Variants in ABCA8 observed in about 807,000 individuals in gnomAD.
ABCA8 encodes ABC-type organic anion transporter ABCA8.
A neutral mutation model predicts 192.3 loss-of-function variants in ABCA8; 177 were observed. The ratio of observed to expected loss-of-function variants is 0.92; its 90% confidence interval spans 0.81 to 1.04. The LOEUF (loss-of-function observed/expected upper bound fraction) is 1.04. Among genes scored for constraint, ABCA8 ranks in the 50% least tolerant of loss-of-function variants. The probability of loss-of-function intolerance (pLI) is 0.00; values close to 1 mark genes in which losing one functional copy is unlikely to be tolerated. For synonymous variants in ABCA8, 642 were observed against 690.2 expected, an observed-to-expected ratio of 0.93 and a Z score of 1.09; for missense variants, 1,915 against 1,904.8, an observed-to-expected ratio of 1.01 and a Z score of -0.10.
chr17:68,877,152 A>AC (rs1360211569), intron 33 of ABCA8: 13 of 171,716 alleles, frequency 7.6e-5, no homozygotes, highest in Non-Finnish European at 1.2e-4. Flanking sequence ...ACAGGTGCGC[A>AC]CCACCATGCC....
chr17:68,916,210 A>T (rs937392391), intron 17 of ABCA8, among the ~76,000 whole-genome samples: 1 of 152,086 alleles, frequency 6.6e-6, no homozygotes, highest in Non-Finnish European at 1.5e-5. Flanking sequence ...TTGATAGCAC[A>T]TTCTTCACAG....
At chr17:68,891,176 C>T (rs2066613989) in intron 24 of ABCA8, among the ~76,000 whole-genome samples, 1 of 152,088 alleles carries the variant, frequency 6.6e-6, no homozygotes, top group Admixed American at 6.6e-5. Flanking sequence ...TAATACAACA[C>T]ATTCTTAATT....
chr17:68,906,185 G>C (rs774514953), intron 18 of ABCA8, 22 bp from the exon 19 acceptor site: 1 of 1,461,810 alleles, frequency 6.8e-7, no homozygotes, highest in Non-Finnish European at 9.1e-7. Flanking sequence ...ATATACAGCA[G>C]TGAATTAAAA....
chr17:68,909,375 C>T (rs558365980), intron 17 of ABCA8, among the ~76,000 whole-genome samples: 2 of 152,276 alleles, frequency 1.3e-5, no homozygotes, highest in Admixed American at 6.5e-5. Context: ...TCCAACCAAA[C>T]TGTATTTACA....
At position 68,869,751 on chromosome 17, in the gene ABCA8, G is replaced by C. The variant is rs1320404354; in HGVS notation, c.4660C>G (p.Pro1554Ala). The stretch of plus-strand genomic sequence containing the variant: ...GCTAAAGGTTGCACATCTTCCACTG[G>C]CAACTTATAAACCATCAGAGAGGAG... Reference protein sequence around the residue: ...RYSSLMVYKLPVEDVQPLAQA... With the variant: ...RYSSLMVYKLAVEDVQPLAQA... Residue 1554 changes from proline to alanine, a missense_variant, in exon 38 of 40, where the codon CCA (proline) becomes GCA (alanine). Pro to Ala is a conservative substitution (Grantham distance 27). Coordinates refer to ENST00000586539, the MANE Select transcript of ABCA8 (RefSeq NM_001288985.2). 1.2e-6 allele frequency: 2 copies of C among 1,612,952 alleles called. No homozygotes were observed. Among genetic ancestry groups the C allele is most frequent in the African/African-American group, 1.3e-5 (1 of 74,978 alleles).
At chr17:68,941,894 A>G in intron 3 of ABCA8, 45 bp downstream of exon 3, 4 of 1,405,482 alleles carry the variant, frequency 2.8e-6, no homozygotes, top group Non-Finnish European at 4.0e-6. Flanking sequence ...GGCAACACGT[A>G]TTTTCCTATC....
chr17:68,917,724 A>G (rs113496142), intron 16 of ABCA8, among the ~76,000 whole-genome samples: 3 of 152,362 alleles, frequency 2.0e-5, no homozygotes, highest in African/African-American at 7.2e-5. Context: ...ATGAAACATT[A>G]AAATCATTTG....
intron 4 of ABCA8, among the ~76,000 whole-genome samples, chr17:68,937,995 G>A (rs1010027495): frequency 1.3e-5 from 2 of 152,108 alleles, no homozygotes; most frequent in African/African-American, 4.8e-5. Context: ...AATTGCATGT[G>A]GTTTTGAATG....
At chr17:68,872,619 A>C (rs1158957260) in intron 37 of ABCA8, among the ~76,000 whole-genome samples, 1 of 151,854 alleles carries the variant, frequency 6.6e-6, no homozygotes, top group Non-Finnish European at 1.5e-5. Context: ...AATAAAAAAA[A>C]AGAAGAAGGC....
chr17:68,928,166 T>C, intron 9 of ABCA8, 103 bp from the exon 10 acceptor site: 1 of 959,586 alleles, frequency 1.0e-6, no homozygotes, highest in Non-Finnish European at 1.5e-6. Context: ...TGCCTCATAC[T>C]GAGAATAGAG....
At chr17:68,913,933 C>A (rs554343411) in intron 17 of ABCA8, among the ~76,000 whole-genome samples, 7 of 151,982 alleles carry the variant, frequency 4.6e-5, no homozygotes, top group Non-Finnish European at 1.0e-4. Context: ...CCGAATTCAA[C>A]AACACATTAA....
At chr17:68,935,722 G>A (rs2068048840) in intron 5 of ABCA8, among the ~76,000 whole-genome samples, 1 of 151,634 alleles carries the variant, frequency 6.6e-6, no homozygotes, top group African/African-American at 2.4e-5. Flanking sequence ...TAGTGAAGTT[G>A]CTGGATCAAA....
At chr17:68,909,006 A>T (rs1334753175) in intron 17 of ABCA8, among the ~76,000 whole-genome samples, 3 of 152,210 alleles carry the variant, frequency 2.0e-5, no homozygotes, top group Non-Finnish European at 4.4e-5. Flanking sequence ...ACTTAAAAGA[A>T]TATATGCTAT....
intron 10 of ABCA8, among the ~76,000 whole-genome samples, chr17:68,926,770 A>C (rs1258838304): frequency 2.0e-5 from 3 of 152,192 alleles, no homozygotes; most frequent in African/African-American, 7.2e-5. Flanking sequence ...AAAACAACAA[A>C]AACAAAAACA....
At chr17:68,877,466 A>AGG in intron 33 of ABCA8, 53 bp downstream of exon 33, 1 of 1,501,034 alleles carries the variant, frequency 6.7e-7, no homozygotes, top group East Asian at 2.4e-5. Context: ...CATCACTCTC[A>AGG]ACCTCCTCCA....
chr17:68,872,269 A>T (rs1038277598), intron 37 of ABCA8, among the ~76,000 whole-genome samples: 11 of 152,156 alleles, frequency 7.2e-5, no homozygotes, highest in African/African-American at 2.7e-4. Flanking sequence ...TGATGAATTC[A>T]TGTCTTTTGT....
chr17:68,883,578 C>G (rs2066387285), intron 29 of ABCA8, among the ~76,000 whole-genome samples: 1 of 152,140 alleles, frequency 6.6e-6, no homozygotes, highest in Non-Finnish European at 1.5e-5. Flanking sequence ...CAGATAGAGC[C>G]TTAATACTCC....
intron 5 of ABCA8, among the ~76,000 whole-genome samples, chr17:68,933,848 A>G (rs2067979843): frequency 6.6e-6 from 1 of 152,110 alleles, no homozygotes; most frequent in African/African-American, 2.4e-5. Flanking sequence ...ATGAATTAAA[A>G]TTGAGTATAG....
intron 10 of ABCA8, among the ~76,000 whole-genome samples, 182 bp downstream of exon 10, chr17:68,927,734 C>A (rs1026450821): frequency 6.6e-6 from 1 of 152,026 alleles, no homozygotes; most frequent in South Asian, 2.1e-4. Flanking sequence ...TTAGTTCTGA[C>A]AAGTCAAGTA....
Sources: gnomAD v4.1 joint callset for allele counts (sites outside exome capture counted in the v4.1 genomes callset) on GRCh38, gnomAD v4.1.1 for gene constraint, MANE v1.5 for transcripts, NCBI Gene and HGNC (gene_info 2026-07-23, HGNC 2026-07-21) for gene names.